RAD51C: variants seen among roughly 807,000 people sequenced by gnomAD.
RAD51C encodes DNA repair protein RAD51 homolog 3.
RAD51C carries 42 observed loss-of-function variants against 45.0 expected under a neutral mutation model. The ratio of observed to expected loss-of-function variants is 0.93; its 90% CI spans 0.73 to 1.21. RAD51C has a LOEUF of 1.21. Among genes scored for constraint, RAD51C ranks in the 50% most tolerant of loss-of-function variants. RAD51C has a pLI of 0.00. For synonymous variants in RAD51C, 172 were observed against 159.8 expected (o/e 1.08, Z -0.58); for missense variants, 474 against 452.2 (o/e 1.05, Z -0.44).
At chr17:58,732,368 A>G in intron 7 of RAD51C, 116 bp from the exon 8 acceptor site, 1 of 855,232 alleles carries the variant, frequency 1.2e-6, no homozygotes, top group Non-Finnish European at 1.8e-6. Flanking sequence ...TCTTAGAGAA[A>G]AAATAGAATT....
chr17:58,718,365 T>A (rs767086595), intron 5 of RAD51C, among the ~76,000 whole-genome samples: 13 of 152,306 alleles, frequency 8.5e-5, no homozygotes, highest in Non-Finnish European at 1.8e-4. Flanking sequence ...CTGCTTTTCA[T>A]GGAATTTCAT....
Position 58,710,655 on chromosome 17 carries a change from A to G in RAD51C, c.837+665A>G, listed in dbSNP as rs138192681. 2.1e-3 allele frequency among the ~76,000 whole-genome samples: 320 copies of G among 152,290 alleles called. 1 individual carries two copies. The highest frequency in any genetic ancestry group is 3.4e-3 in the Middle Eastern group (1 of 294). On this transcript the variant is annotated intron_variant, in intron 5 of 8. Coordinates refer to ENST00000337432, the MANE Select transcript of RAD51C (RefSeq NM_058216.3). ...TTTGAGTCTTTGATTATTATGTGGTATGTAATCACAGATTCAGATGGATTG... is the reference window on the plus strand; with the variant it reads ...TTTGAGTCTTTGATTATTATGTGGTGTGTAATCACAGATTCAGATGGATTG...
At chr17:58,720,636 T>A (rs2048885469) in intron 5 of RAD51C, 110 bp from the exon 6 acceptor site, 7 of 781,366 alleles carry the variant, frequency 9.0e-6, no homozygotes, top group Non-Finnish European at 1.5e-5. Context: ...CCATGTCTGG[T>A]TAATTTTTGT....
chr17:58,696,542 G>A lies in RAD51C; in HGVS notation c.405-151G>A, dbSNP rs1232983530. On this transcript the variant is annotated intron_variant, in intron 2 of 8. Coordinates refer to ENST00000337432, the MANE Select transcript of RAD51C (RefSeq NM_058216.3). The stretch of plus-strand genomic sequence containing the variant: ...TCGATTGGTTCACATTATATCTGGA[G>A]TCATGAAGAGTTAGACATTTCTGTT... 16 of 874,490 alleles carry A rather than the reference G, an allele frequency of 1.8e-5. No homozygotes were observed. The East Asian group carries it at 4.2e-4, about 23-fold the overall frequency. 54.2% of individuals were successfully genotyped at this position (874,490 alleles called of 1,614,324 possible).
At chr17:58,723,971 G>T (rs2143959640) in intron 6 of RAD51C, 69 bp from the exon 7 acceptor site, 1 of 1,295,158 alleles carries the variant, frequency 7.7e-7, no homozygotes, top group Non-Finnish European at 1.1e-6. Context: ...TATTTGATCA[G>T]AGGCGTTCTG....
chr17:58,729,633 G>A (rs1463007363), intron 7 of RAD51C, among the ~76,000 whole-genome samples: 2 of 151,444 alleles, frequency 1.3e-5, no homozygotes, highest in African/African-American at 4.9e-5. Context: ...GTGCAGTGGC[G>A]CCATATCGGC....
At chr17:58,696,071 GA>G (rs71143275) in intron 2 of RAD51C, among the ~76,000 whole-genome samples, 27,178 of 132,202 alleles carry the variant, frequency 0.21, 2,603 homozygotes, top group Non-Finnish European at 0.23. Flanking sequence ...TGTCTCAAAA[GA>G]AAAAAAAAAA....
chr17:58,701,978 T>G (rs2048226479), intron 3 of RAD51C, among the ~76,000 whole-genome samples: 2 of 151,318 alleles, frequency 1.3e-5, no homozygotes, highest in South Asian at 2.1e-4. Flanking sequence ...TGAACATTTT[T>G]TCTAACTGTG....
Position 58,695,186 on chromosome 17 carries a change from T to C in RAD51C, c.401T>C (p.Leu134Ser), listed in dbSNP as rs1233795152. The C allele has an allele frequency of 6.2e-7, 1 of 1,610,496 alleles. No individual in the cohort carries two copies. Among genetic ancestry groups the C allele is most frequent in the East Asian group, 2.2e-5 (1 of 44,828 alleles). ...CGAPGVGKTQ[L>S]CMQLAVDVQI... is the part of the protein sequence containing the mutation. ...GCACCAGGTGTTGGAAAAACACAAT[T>C]ATGGTAAAATAAAGTGTTCTCCTTT... is the stretch of plus-strand genomic sequence containing the variant. The change falls in exon 2 of 9, where the codon TTA becomes TCA. Residue 134 changes from leucine (L) to serine (S), a missense_variant. Coordinates refer to ENST00000337432, the MANE Select transcript of RAD51C (RefSeq NM_058216.3).
At chr17:58,696,317 T>C (rs1473058586) in intron 2 of RAD51C, among the ~76,000 whole-genome samples, 1 of 150,534 alleles carries the variant, frequency 6.6e-6, no homozygotes, top group Non-Finnish European at 1.5e-5. Flanking sequence ...CTTGTAGTCC[T>C]AGCTACTCGG....
chr17:58,730,689 C>T (rs2049386181), intron 7 of RAD51C, among the ~76,000 whole-genome samples: 1 of 152,070 alleles, frequency 6.6e-6, no homozygotes, highest in Admixed American at 6.6e-5. Flanking sequence ...ACAAATCATT[C>T]TATTTTGTGT....
In RAD51C at chr17:58,714,401, A is replaced by G. The variant is rs530733409; in HGVS notation, c.837+4411A>G. On this transcript the variant is annotated intron_variant, in intron 5 of 8. Coordinates refer to ENST00000337432, the MANE Select transcript of RAD51C (RefSeq NM_058216.3). ...TGCTCCAAAGTATGTCTCTACAGCA[A>G]TGAATGGGAACTCTTGTTTTCCCAT... Among the ~76,000 whole-genome samples, 16 of 152,332 alleles carry G rather than the reference A, an allele frequency of 1.1e-4. No homozygotes were observed. In the South Asian group the frequency reaches 2.9e-3, roughly 28 times the overall value.
At chr17:58,704,249 A>G (rs1183872997) in intron 4 of RAD51C, among the ~76,000 whole-genome samples, 1 of 151,076 alleles carries the variant, frequency 6.6e-6, no homozygotes, top group African/African-American at 2.4e-5. Context: ...TGATATTTAA[A>G]TCCTTGGCTT....
At chr17:58,713,523 T>C (rs2048629775) in intron 5 of RAD51C, among the ~76,000 whole-genome samples, 1 of 151,986 alleles carries the variant, frequency 6.6e-6, no homozygotes, top group African/African-American at 2.4e-5. Context: ...AAATTTTTTG[T>C]AGAGGCTGGG....
chr17:58,703,785 A>G (rs911854460), intron 4 of RAD51C, among the ~76,000 whole-genome samples: 1 of 151,542 alleles, frequency 6.6e-6, no homozygotes, highest in Admixed American at 6.6e-5. Context: ...ATAGTAAGAC[A>G]TTGTCCCCAC....
intron 2 of RAD51C, chr17:58,695,430 G>GTTATT (rs2047970095): frequency 7.2e-6 from 8 of 1,103,614 alleles, no homozygotes; most frequent in African/African-American, 1.6e-5. Flanking sequence ...CAGTCATAAG[G>GTTATT]TTAAACAGGA....
At chr17:58,733,647 T>C (rs1162643220) in intron 8 of RAD51C, among the ~76,000 whole-genome samples, 1 of 152,254 alleles carries the variant, frequency 6.6e-6, no homozygotes, top group Non-Finnish European at 1.5e-5. Context: ...ACTCTTAATA[T>C]AGCCCGGGCT....
intron 7 of RAD51C, among the ~76,000 whole-genome samples, chr17:58,725,731 A>G (rs1393012009): frequency 6.6e-6 from 1 of 152,170 alleles, no homozygotes; most frequent in African/African-American, 2.4e-5. Flanking sequence ...GCAGTGGCTC[A>G]CACCTGTAAT....
intron 7 of RAD51C, among the ~76,000 whole-genome samples, chr17:58,727,973 T>G (rs1598522274): frequency 6.6e-6 from 1 of 150,736 alleles, no homozygotes; most frequent in Admixed American, 6.6e-5. Flanking sequence ...CCGGGCGCAG[T>G]GGCTGACACC....
Sources: allele counts gnomAD v4.1 joint callset (sites outside exome capture counted in the v4.1 genomes callset), GRCh38; gene constraint gnomAD v4.1.1; transcripts MANE v1.5; gene names NCBI Gene and HGNC (gene_info 2026-07-23, HGNC 2026-07-21).